Variants in MEST observed in about 807,000 individuals in gnomAD.
MEST encodes mesoderm specific transcript.
In MEST, 18 loss-of-function variants were observed where a neutral mutation model predicts 50.9. The ratio of observed to expected loss-of-function variants is 0.35; its 90% CI spans 0.24 to 0.52. The LOEUF (loss-of-function observed/expected upper bound fraction) is 0.52, where lower values mean the gene tolerates loss of function less well. MEST is among the 20% of genes least tolerant of loss of function. The pLI is 0.94. For synonymous variants in MEST, 130 were observed against 154.1 expected, an observed-to-expected ratio of 0.84 and a Z score of 1.16; for missense variants, 282 against 425.3, an observed-to-expected ratio of 0.66 and a Z score of 2.96.
At chr7:130,498,303 T>C in intron 5 of MEST, 28 bp downstream of exon 5, 1 of 1,612,736 alleles carries the variant, frequency 6.2e-7, no homozygotes, top group Non-Finnish European at 8.5e-7. Context: ...CTTCAGCTTA[T>C]GATGCTAGGA....
upstream of MEST, among the ~76,000 whole-genome samples, chr7:130,490,133 CTT>C (rs1160089790): frequency 2.0e-5 from 3 of 152,292 alleles, no homozygotes; most frequent in African/African-American, 7.2e-5. Flanking sequence ...GTAATTCAGT[CTT>C]TAAAAGGTAG....
At chr7:130,496,289 C>T in intron 2 of MEST, 1 of 415,536 alleles carries the variant, frequency 2.4e-6, no homozygotes, top group South Asian at 1.8e-5. Context: ...GAAGTAAAAG[C>T]TTCATGTCCA....
intron 1 of MEST, chr7:130,493,364 GT>G (rs1554435963): frequency 1.3e-5 from 2 of 152,132 alleles, no homozygotes; most frequent in Non-Finnish European, 2.9e-5. Context: ...TGTTACTGGA[GT>G]TTGCTTATTG....
At chr7:130,504,428 G>T (rs1351082926) in intron 11 of MEST, among the ~76,000 whole-genome samples, 2 of 152,178 alleles carry the variant, frequency 1.3e-5, no homozygotes, top group Admixed American at 6.5e-5. Context: ...TTCTCTCTAG[G>T]TACTTACTTG....
chr7:130,489,896 A>G (rs555079552), upstream of MEST: 54 of 152,196 alleles, frequency 3.5e-4, no homozygotes, highest in African/African-American at 1.2e-3. Flanking sequence ...GGCCTTCAGA[A>G]TAAGATCTTT....
upstream of MEST, chr7:130,489,117 G>C (rs918669434): frequency 6.6e-6 from 1 of 152,156 alleles, no homozygotes; most frequent in Non-Finnish European, 1.5e-5. Context: ...AGAAAAATAT[G>C]GTTCTTGAAT....
chr7:130,487,087 A>C (rs1198138651), upstream of MEST: 1 of 149,508 alleles, frequency 6.7e-6, no homozygotes, highest in Non-Finnish European at 1.5e-5. Flanking sequence ...TAATGTGGGA[A>C]GGTAGTAACA....
At chr7:130,499,817 T>TA in intron 6 of MEST, 58 bp from the exon 7 acceptor site, 3 of 1,395,242 alleles carry the variant, frequency 2.2e-6, no homozygotes, top group South Asian at 2.6e-5. Flanking sequence ...ATCCCGTCTC[T>TA]ATAAAAAAAA....
upstream of MEST, among the ~76,000 whole-genome samples, chr7:130,490,660 A>T (rs1554434898): frequency 6.6e-6 from 1 of 152,110 alleles, no homozygotes; most frequent in African/African-American, 2.4e-5. Context: ...TTAAAAGGAA[A>T]ATTTTACAAA....
Position 130,492,305 on chromosome 7 carries a change from A to AC in MEST, c.-9_-8insC. 1 of 1,343,214 alleles carries AC rather than the reference A, an allele frequency of 7.4e-7. No individual in the cohort carries two copies. The highest frequency in any genetic ancestry group is 4.0e-5 in the Admixed American group (1 of 25,094). 83.2% of individuals were successfully genotyped at this position (1,343,214 alleles called of 1,614,324 possible). A position where few individuals can be genotyped will look rare whatever the true frequency, so the allele number is the denominator to read the frequency against. ...AACGCTGCGGCGGGCGGCATGGGAT[A>AC]ACGCGGCCATGGTGCGCCGAGATCG... On this transcript the variant is annotated 5_prime_UTR_variant, in exon 1 of 12. It removes the in-frame stop codon of an upstream open reading frame in the 5' UTR. Coordinates refer to ENST00000223215, the MANE Select transcript of MEST (RefSeq NM_002402.4). This position sits in a 1 kb window ranked among gnomAD's most constrained non-coding sequence, Gnocchi z 7.6.
chr7:130,497,255 A>G lies in MEST; in HGVS notation c.261+20A>G, dbSNP rs1349189911. The G allele has an allele frequency of 1.9e-6, 3 of 1,601,932 alleles. No homozygotes were observed. Among genetic ancestry groups the G allele is most frequent in the Non-Finnish European group, 2.6e-6 (3 of 1,172,742 alleles). On this transcript the variant is annotated intron_variant, in intron 3 of 11. Coordinates refer to ENST00000223215, the MANE Select transcript of MEST (RefSeq NM_002402.4). The surrounding 1 kb of genome is among the most constrained non-coding windows in gnomAD (Gnocchi z 4.0). ...TACAAGGTAATGAAGTCAGACTTCT[A>G]CGTCCTACTATGTCTTAAAAAATCT...
chr7:130,493,089 G>A (rs1023555352), intron 1 of MEST: 2 of 152,198 alleles, frequency 1.3e-5, no homozygotes, highest in Admixed American at 1.3e-4. Flanking sequence ...GGTGGCGGGA[G>A]TCACCGCAGT....
At chr7:130,495,204 C>A in intron 1 of MEST, 164 bp from the exon 2 acceptor site, 1 of 600,946 alleles carries the variant, frequency 1.7e-6, no homozygotes, top group South Asian at 3.0e-5. Context: ...CTATGGCAGA[C>A]AGAGGTTTGA....
rs1799446769 is a variant in MEST, at chr7:130,505,514, T to C, written c.*458T>C. The stretch of plus-strand genomic sequence containing the variant: ...GAATGACGTTATGGGCACATGCCTT[T>C]TAAAAGTTCTTTAAGCAACACAGAG... On this transcript the variant is annotated 3_prime_UTR_variant, in exon 12 of 12. Transcript: ENST00000223215. The C allele has an allele frequency of 6.5e-6, 1 of 154,370 alleles. No individual in the cohort carries two copies. The highest frequency in any genetic ancestry group is 2.0e-4 in the South Asian group (1 of 4,964). 9.6% of individuals were successfully genotyped at this position (154,370 alleles called of 1,614,324 possible). A position where few individuals can be genotyped will look rare whatever the true frequency, so the allele number is the denominator to read the frequency against.
At chr7:130,488,520 A>G (rs1798689404), upstream of MEST, 1 of 152,232 alleles carries the variant, frequency 6.6e-6, no homozygotes, top group East Asian at 1.9e-4. Context: ...AAGAAGGCCA[A>G]CTTTGGAGCC....
intron 11 of MEST, among the ~76,000 whole-genome samples, chr7:130,504,722 G>A (rs1275668297): frequency 6.6e-6 from 1 of 152,208 alleles, no homozygotes; most frequent in Non-Finnish European, 1.5e-5. Context: ...TCAAGTTGTT[G>A]TTTGTTGGAT....
rs1554437525 is a variant in MEST at position 130,498,001 on chromosome 7, C to T, written c.327C>T (p.Phe109=). 3 of 1,614,196 alleles carry T rather than the reference C, an allele frequency of 1.9e-6. No homozygotes were observed. ...CCCTTGATTTCTTAGGCTTTGGCTTCAGTGACAAACCGGTAAGCAGCACCT... is the reference window on the plus strand; with the variant it reads ...CCCTTGATTTCTTAGGCTTTGGCTTTAGTGACAAACCGGTAAGCAGCACCT... ...VIALDFLGFG[F]SDKPRPHHYS... Residue 109 remains phenylalanine, a synonymous_variant, in exon 4 of 12, where the codon TTC becomes TTT. Transcript: ENST00000223215.
At chr7:130,486,766 G>A (rs1212001313) in intron 1 of MEST, 1 of 152,304 alleles carries the variant, frequency 6.6e-6, no homozygotes, top group Non-Finnish European at 1.5e-5. Flanking sequence ...CGCCCTCCTG[G>A]GCGTGGGGAC....
chr7:130,489,686 ATCCC>A (rs1332461719), upstream of MEST: 4 of 152,100 alleles, frequency 2.6e-5, no homozygotes, highest in Non-Finnish European at 5.9e-5. Context: ...CTCAACCTCA[ATCCC>A]TCCTTCAAGG....
Sources: allele counts gnomAD v4.1 joint callset (sites outside exome capture counted in the v4.1 genomes callset), GRCh38; gene constraint gnomAD v4.1.1; non-coding constraint Gnocchi (gnomAD v3.1); transcripts MANE v1.5; gene names NCBI Gene and HGNC (gene_info 2026-07-23, HGNC 2026-07-21).